The following DOCK11 variants were observed in gnomAD, a reference collection of about 807,000 sequenced individuals.
DOCK11 encodes the protein dedicator of cytokinesis 11.
A neutral mutation model predicts 169.1 loss-of-function variants in DOCK11; 70 were observed. The observed-to-expected ratio is 0.41, with a 90% CI of 0.34 to 0.51. DOCK11 has a LOEUF of 0.51. DOCK11 is among the 20% of genes least tolerant of loss of function. DOCK11 has a pLI of 0.10. For missense variants in DOCK11, 1,166 were observed against 1,538.8 expected (o/e 0.76, Z 4.05); for synonymous variants, 529 against 541.3 (o/e 0.98, Z 0.32).
chrX:118,553,503 T>C (rs2012574280), intron 6 of DOCK11, among the ~76,000 whole-genome samples: 1 of 111,820 alleles, frequency 8.9e-6, no homozygotes, highest in Non-Finnish European at 1.9e-5. Flanking sequence ...TGCCTTGATA[T>C]GATATCGGGG....
chrX:118,568,259 GTGGGGAATATAGAT>G (rs2013139980), intron 10 of DOCK11, 97 bp downstream of exon 10: 1 of 498,245 alleles, frequency 2.0e-6, no homozygotes, highest in Non-Finnish European at 3.1e-6. Flanking sequence ...TCTTGCACCA[GTGGGGAATATAGAT>G]TGTTTTATAT....
Position 118,527,008 on chromosome X carries a change from C to T in DOCK11, c.103-15717C>T, listed in dbSNP as rs112114957. Among the ~76,000 whole-genome samples the T allele has an allele frequency of 9.4e-3, 1,054 of 111,961 alleles. 16 individuals are homozygous for T. Among genetic ancestry groups the T allele is most frequent in the African/African-American group, 0.032 (1,000 of 30,788 alleles). ...TGATGTCCTTTGAATTGTCACCCACCACAGGAGGCCACATAATCACTCCCT... is the reference window on the plus strand; with the variant it reads ...TGATGTCCTTTGAATTGTCACCCACTACAGGAGGCCACATAATCACTCCCT... On this transcript the variant is annotated intron_variant, in intron 1 of 52. Coordinates refer to ENST00000276202, the MANE Select transcript of DOCK11 (RefSeq NM_144658.4).
chrX:118,543,933 G>T (rs2012139740), intron 4 of DOCK11, among the ~76,000 whole-genome samples: 1 of 112,128 alleles, frequency 8.9e-6, no homozygotes, highest in Admixed American at 9.5e-5. Flanking sequence ...TTGGGCGACA[G>T]ATAGAGACTC....
intron 1 of DOCK11, among the ~76,000 whole-genome samples, chrX:118,515,998 T>A (rs2057680114): frequency 1.3e-5 from 1 of 76,524 alleles, no homozygotes; most frequent in Non-Finnish European, 2.4e-5. Flanking sequence ...AGTAAGGATT[T>A]GGGCAAATAT....
chrX:118,575,003 A>G (rs974044366), intron 12 of DOCK11, among the ~76,000 whole-genome samples: 5 of 112,183 alleles, frequency 4.5e-5, no homozygotes, highest in Non-Finnish European at 9.4e-5. Context: ...AAAAGTAGAA[A>G]GAGGCATATG....
At chrX:118,621,923 G>A (rs1015816576) in intron 31 of DOCK11, among the ~76,000 whole-genome samples, 3 of 111,384 alleles carry the variant, frequency 2.7e-5, no homozygotes, top group East Asian at 2.8e-4. Context: ...GCGAGACACC[G>A]TGCCCAGCCA....
At chrX:118,552,047 A>T (rs1404932786) in intron 6 of DOCK11, among the ~76,000 whole-genome samples, 1 of 108,248 alleles carries the variant, frequency 9.2e-6, no homozygotes, top group East Asian at 2.9e-4. Flanking sequence ...CAAAAAAAAA[A>T]AAAAAGGGAG....
At chrX:118,676,108 G>C in intron 47 of DOCK11, 59 bp downstream of exon 47, 2 of 768,333 alleles carry the variant, frequency 2.6e-6, no homozygotes. Flanking sequence ...TGAATTACTA[G>C]TTTACTATAG....
At chrX:118,660,759 C>T (rs1376151881) in intron 44 of DOCK11, among the ~76,000 whole-genome samples, 2 of 110,499 alleles carry the variant, frequency 1.8e-5, no homozygotes, top group Non-Finnish European at 3.8e-5. Flanking sequence ...CGTGAGCCAC[C>T]GCGCCTGGCC....
chrX:118,586,260 A>T (rs910490764), intron 16 of DOCK11, among the ~76,000 whole-genome samples: 1 of 111,730 alleles, frequency 9.0e-6, no homozygotes, highest in Admixed American at 9.5e-5. Context: ...ACGGCTATAA[A>T]GATACTACCC....
intron 12 of DOCK11, among the ~76,000 whole-genome samples, chrX:118,575,329 A>G (rs1603080434): frequency 1.8e-5 from 2 of 111,848 alleles, no homozygotes; most frequent in African/African-American, 3.2e-5. Context: ...ATATCTATAG[A>G]TCAGTCATAT....
At chrX:118,497,748 C>G (rs1246639860) in intron 1 of DOCK11, among the ~76,000 whole-genome samples, 2 of 112,085 alleles carry the variant, frequency 1.8e-5, no homozygotes, top group Non-Finnish European at 3.8e-5. Context: ...AACAAAAAAC[C>G]TTCCTTGAGC....
Position 118,569,091 on chromosome X carries a change from C to CTTTTTTTTT in DOCK11, c.1035+944_1035+952dup, listed in dbSNP as rs1186200391. Reference sequence around the variant, plus strand: ...TCTCTCTTCTTTCTTTCTTTCTTTCCTTTTTTTTTTTTTTTTTTTTTTTGA... The same window carrying CTTTTTTTTT: ...TCTCTCTTCTTTCTTTCTTTCTTTCCTTTTTTTTTTTTTTTTTTTTTTTTTTTTTTTTGA... On this transcript the variant is annotated intron_variant, in intron 10 of 52. Coordinates refer to ENST00000276202, the MANE Select transcript of DOCK11 (RefSeq NM_144658.4). Among the ~76,000 whole-genome samples the CTTTTTTTTT allele has an allele frequency of 1.6e-3, 71 of 44,987 alleles. 1 individual carries two copies. Among genetic ancestry groups the CTTTTTTTTT allele is most frequent in the Non-Finnish European group, 2.4e-3 (59 of 24,421 alleles). 39.1% of individuals were successfully genotyped at this position (44,987 alleles called of 115,157 possible).
intron 46 of DOCK11, 137 bp from the exon 47 acceptor site, chrX:118,675,799 G>A (rs1001693646): frequency 8.4e-6 from 3 of 358,160 alleles, no homozygotes; most frequent in African/African-American, 8.2e-5. Context: ...TGTTACAAAG[G>A]GAGATGAGTA....
intron 36 of DOCK11, among the ~76,000 whole-genome samples, chrX:118,636,814 T>C (rs1319418512): frequency 9.7e-6 from 1 of 102,990 alleles, no homozygotes; most frequent in Admixed American, 1.0e-4. Flanking sequence ...GAAATGTGTC[T>C]GTGTATTTGT....
intron 44 of DOCK11, among the ~76,000 whole-genome samples, chrX:118,659,504 C>A (rs984838900): frequency 8.9e-6 from 1 of 112,036 alleles, no homozygotes; most frequent in Admixed American, 9.5e-5. Context: ...TAAGAGGAAT[C>A]AGGATTTTCT....
At chrX:118,636,485 GT>G in intron 36 of DOCK11, 73 bp downstream of exon 36, 1 of 477,795 alleles carries the variant, frequency 2.1e-6, no homozygotes, top group South Asian at 5.1e-5. Context: ...AATTTTTTCT[GT>G]TTTTAATAGC....
At chrX:118,639,328 GTAC>G (rs1344058859) in intron 37 of DOCK11, 104 bp from the exon 38 acceptor site, 1 of 798,034 alleles carries the variant, frequency 1.3e-6, no homozygotes, top group Non-Finnish European at 1.8e-6. Flanking sequence ...ATCCTTGAGT[GTAC>G]TACTATGTTT....
intron 4 of DOCK11, among the ~76,000 whole-genome samples, chrX:118,544,645 CTTTTTTTTTTTT>C (rs1157804079): frequency 4.9e-3 from 115 of 23,360 alleles, no homozygotes; most frequent in Middle Eastern, 0.038. Flanking sequence ...TACACTGTTG[CTTTTTTTTTTTT>C]TTTTTTTTTT....
Sources: allele counts gnomAD v4.1 joint callset (sites outside exome capture counted in the v4.1 genomes callset), GRCh38; gene constraint gnomAD v4.1.1; transcripts MANE v1.5; gene names NCBI Gene and HGNC (gene_info 2026-07-23, HGNC 2026-07-21).